The following ETS1 variants were observed in gnomAD, a reference collection of about 807,000 sequenced individuals.
ETS1 encodes the protein protein C-ets-1.
A neutral mutation model predicts 58.6 loss-of-function variants in ETS1; 15 were observed. The observed-to-expected ratio is 0.26, with a 90% CI of 0.17 to 0.39. The LOEUF (loss-of-function observed/expected upper bound fraction) is 0.39, where lower values mean the gene tolerates loss of function less well. Among genes scored for constraint, ETS1 ranks in the 10% least tolerant of loss-of-function variants. ETS1 has a pLI of 1.00. For missense variants in ETS1, 417 were observed against 610.5 expected (o/e 0.68, Z 3.34); for synonymous variants, 214 against 218.2 (o/e 0.98, Z 0.17).
At chr11:128,585,042 AAG>A (rs1864964137) in intron 1 of ETS1, among the ~76,000 whole-genome samples, 1 of 21,460 alleles carries the variant, frequency 4.7e-5, no homozygotes, top group Non-Finnish European at 8.0e-5. Context: ...AAAAGAAAGA[AAG>A]AAAGAAAGAA....
At chr11:128,462,732 T>G (rs1380033060) in intron 9 of ETS1, among the ~76,000 whole-genome samples, 156 bp from the exon 10 acceptor site, 1 of 152,200 alleles carries the variant, frequency 6.6e-6, no homozygotes, top group Non-Finnish European at 1.5e-5. Flanking sequence ...AAAATATTTT[T>G]CGGGCCTATC....
At chr11:128,531,204 T>C (rs140048348) in intron 3 of ETS1, among the ~76,000 whole-genome samples, 1 of 152,190 alleles carries the variant, frequency 6.6e-6, no homozygotes, top group Non-Finnish European at 1.5e-5. Context: ...AATTTTAGCT[T>C]GGCTGCTCTC....
intron 7 of ETS1, among the ~76,000 whole-genome samples, chr11:128,482,481 T>C (rs1862512135): frequency 6.6e-6 from 1 of 152,170 alleles, no homozygotes; most frequent in Non-Finnish European, 1.5e-5. Flanking sequence ...AAAAAGGACA[T>C]CAGAATTTTC....
intron 3 of ETS1, among the ~76,000 whole-genome samples, chr11:128,495,620 A>AT (rs1323237862): frequency 6.6e-6 from 1 of 152,230 alleles, no homozygotes; most frequent in African/African-American, 2.4e-5. Flanking sequence ...ACTGAAATAT[A>AT]TTTTTTAAAG....
intron 2 of ETS1, among the ~76,000 whole-genome samples, chr11:128,564,229 AG>A (rs1437800240): frequency 7.9e-5 from 12 of 152,198 alleles, no homozygotes; most frequent in African/African-American, 2.9e-4. Context: ...GAGGGTGGTG[AG>A]GGGGTGCAGC....
At chr11:128,586,832 C>T (rs1865041372) in intron 1 of ETS1, among the ~76,000 whole-genome samples, 1 of 152,180 alleles carries the variant, frequency 6.6e-6, no homozygotes. Flanking sequence ...ATCGACATCT[C>T]CTGCCACTGA....
intron 9 of ETS1, 76 bp from the exon 10 acceptor site, chr11:128,462,652 C>T: frequency 9.3e-7 from 1 of 1,075,380 alleles, no homozygotes; most frequent in South Asian, 1.4e-5. Flanking sequence ...TGTTTCTATG[C>T]CTATGCTATA....
Position 128,462,439 on chromosome 11 carries a change from A to G in ETS1, c.1380T>C (p.Cys460=). Residue 460 remains cysteine, a synonymous_variant, in exon 10 of 10, where the codon TGT becomes TGC. Transcript: ENST00000392668. ...AGKRYVYRFV[C]DLQSLLGYTP... ...TGTACCCCAGCAGGCTCTGCAGGTCACACACAAAGCGGTACACGTAGCGTT... is the reference window on the plus strand; with the variant it reads ...TGTACCCCAGCAGGCTCTGCAGGTCGCACACAAAGCGGTACACGTAGCGTT... 1 of 1,614,216 alleles carries G rather than the reference A, an allele frequency of 6.2e-7. No individual in the cohort carries two copies. The highest frequency in any genetic ancestry group is 8.5e-7 in the Non-Finnish European group (1 of 1,180,038).
intron 3 of ETS1, chr11:128,527,070 G>A (rs1322030326): frequency 2.4e-6 from 1 of 424,284 alleles, no homozygotes; most frequent in African/African-American, 2.0e-5. Flanking sequence ...ACACAAGACA[G>A]GATACAATGG....
chr11:128,567,385 C>A (rs1664891178), intron 2 of ETS1, among the ~76,000 whole-genome samples: 1 of 152,168 alleles, frequency 6.6e-6, no homozygotes, highest in African/African-American at 2.4e-5. Flanking sequence ...CTTGATTTCA[C>A]AATATTTTAT....
chr11:128,540,941 C>T (rs3809006), intron 3 of ETS1, among the ~76,000 whole-genome samples: 89,419 of 151,988 alleles, frequency 0.59, 26,809 homozygotes, highest in East Asian at 0.82. Flanking sequence ...AAAGCAGAGC[C>T]GGAGTGGCCA....
chr11:128,568,200 G>A (rs1318477598), intron 2 of ETS1, among the ~76,000 whole-genome samples: 1 of 152,104 alleles, frequency 6.6e-6, no homozygotes, highest in African/African-American at 2.4e-5. Context: ...AGCCCGCATG[G>A]CCAAAGGGGT....
chr11:128,482,851 A>C (rs1393267704), intron 7 of ETS1, among the ~76,000 whole-genome samples: 1 of 152,210 alleles, frequency 6.6e-6, no homozygotes, highest in Admixed American at 6.5e-5. Flanking sequence ...CAGACCTCAG[A>C]GCACTCAAAA....
chr11:128,538,729 AACACACACACACACACATACACACAT>A (rs1565401904), intron 3 of ETS1, among the ~76,000 whole-genome samples: 1 of 149,088 alleles, frequency 6.7e-6, no homozygotes, highest in Non-Finnish European at 1.5e-5. Context: ...TTCAGGTGAA[AACACACACACACACACATACACACAT>A]ACACACACAC....
intron 3 of ETS1, among the ~76,000 whole-genome samples, chr11:128,512,118 A>G (rs1863408265): frequency 1.3e-5 from 2 of 152,232 alleles, no homozygotes; most frequent in Admixed American, 6.5e-5. Flanking sequence ...CAAGTTAGCT[A>G]CAGCTGGGTT....
intron 3 of ETS1, among the ~76,000 whole-genome samples, chr11:128,533,739 A>C (rs1467888488): frequency 6.6e-6 from 1 of 152,218 alleles, no homozygotes; most frequent in Non-Finnish European, 1.5e-5. Context: ...TCTCAGCAGC[A>C]CATATAGGTT....
At chr11:128,535,619 A>G (rs997716413) in intron 3 of ETS1, among the ~76,000 whole-genome samples, 7 of 152,200 alleles carry the variant, frequency 4.6e-5, no homozygotes, top group African/African-American at 1.2e-4. Flanking sequence ...TTTAAAAACA[A>G]CCAAAGTCAA....
intron 3 of ETS1, among the ~76,000 whole-genome samples, chr11:128,543,720 G>A (rs1286453589): frequency 6.6e-6 from 1 of 152,110 alleles, no homozygotes; most frequent in Non-Finnish European, 1.5e-5. Context: ...TTAAAAGGTT[G>A]TGAAAATTTT....
At chr11:128,547,165 G>A (rs1389933956) in intron 3 of ETS1, among the ~76,000 whole-genome samples, 1 of 152,196 alleles carries the variant, frequency 6.6e-6, no homozygotes, top group Non-Finnish European at 1.5e-5. Flanking sequence ...TTATAGGAAG[G>A]AAGTTTATAC....
Sources: gnomAD v4.1 joint callset for allele counts (sites outside exome capture counted in the v4.1 genomes callset) on GRCh38, gnomAD v4.1.1 for gene constraint, MANE v1.5 for transcripts, NCBI Gene and HGNC (gene_info 2026-07-23, HGNC 2026-07-21) for gene names.